TMC5: variants seen among roughly 807,000 people sequenced by gnomAD.
TMC5 encodes transmembrane channel-like protein 5.
TMC5 carries 86 observed loss-of-function variants against 110.5 expected under a neutral mutation model. That is an observed-to-expected ratio of 0.78 (90% confidence interval 0.65 to 0.93). TMC5 has a LOEUF of 0.93. TMC5 is among the 40% of genes least tolerant of loss of function. The pLI, the probability that TMC5 is intolerant of heterozygous loss-of-function variation, is 0.00. For synonymous variants in TMC5, 455 were observed against 439.5 expected (o/e 1.04, Z -0.44); for missense variants, 1,144 against 1,222.8 (o/e 0.94, Z 0.96).
At chr16:19,492,117 A>C in intron 18 of TMC5, 33 bp from the exon 19 acceptor site, 1 of 1,544,252 alleles carries the variant, frequency 6.5e-7, no homozygotes, top group Non-Finnish European at 8.9e-7. Flanking sequence ...AAACATTTGC[A>C]AGAGTGTCAT....
At chr16:19,444,758 T>A (rs1371070353) in intron 4 of TMC5, among the ~76,000 whole-genome samples, 1 of 152,178 alleles carries the variant, frequency 6.6e-6, no homozygotes, top group East Asian at 1.9e-4. Context: ...CAGAACCTAC[T>A]GGGGGAAAAG....
intron 20 of TMC5, among the ~76,000 whole-genome samples, chr16:19,496,705 T>G (rs540479150): frequency 6.6e-6 from 1 of 151,624 alleles, no homozygotes; most frequent in Admixed American, 6.6e-5. Context: ...ACCAACATGG[T>G]GAAACCCTGT....
At chr16:19,457,156 A>G (rs1213127778) in intron 5 of TMC5, 5 of 698,042 alleles carry the variant, frequency 7.2e-6, no homozygotes, top group African/African-American at 1.8e-5. Context: ...TTGGGAGGCC[A>G]AGATAAGAGG....
Position 19,479,436 on chromosome 16 carries a change from G to A in TMC5, c.2175G>A (p.Trp725Ter). Residue 725 changes from tryptophan to a stop codon, truncating the protein, a stop_gained, in exon 14 of 22, where the codon TGG becomes TGA. Transcript: ENST00000542583. LOFTEE classifies it high-confidence loss of function. Reference sequence around the variant, plus strand: ...GACTCTTGTTTGCCTTCCAGTGTTGGGAAACCCTCATTGGCCAGGACATCT... The same window carrying A: ...GACTCTTGTTTGCCTTCCAGTGTTGAGAAACCCTCATTGGCCAGGACATCT... ...NTVALSGEEC[W>*]ETLIGQDIYR... is the part of the protein sequence containing the mutation. 3.7e-6 allele frequency: 6 copies of A among 1,613,748 alleles called. No individual in the cohort carries two copies. The highest frequency in any genetic ancestry group is 5.1e-6 in the Non-Finnish European group (6 of 1,179,696).
chr16:19,480,676 G>A (rs537716840), intron 14 of TMC5, among the ~76,000 whole-genome samples: 2 of 152,096 alleles, frequency 1.3e-5, no homozygotes, highest in South Asian at 4.2e-4. Context: ...ATGGTGGTGT[G>A]TGCCTATAAT....
chr16:19,440,480 G>A lies in TMC5; in HGVS notation c.442G>A (p.Gly148Ser). The A allele has an allele frequency of 6.2e-7, 1 of 1,614,122 alleles. No individual in the cohort carries two copies. The highest frequency in any genetic ancestry group is 1.1e-5 in the South Asian group (1 of 91,066). Residue 148 changes from glycine (G) to serine (S), a missense_variant, in exon 3 of 22, where the codon GGC becomes AGC. By Grantham distance (56) the Gly-to-Ser change is moderately conservative. Coordinates refer to ENST00000542583, the MANE Select transcript of TMC5 (RefSeq NM_001261841.2). The stretch of plus-strand genomic sequence containing the variant: ...CTCCAGCAGCAGTGGAAACTATGCA[G>A]GCTCCAGAACACATCCAGATCATTT... ...AGSSSSGNYA[G>S]SRTHPDHFGS...
chr16:19,439,853 T>C, intron 2 of TMC5, 107 bp from the exon 3 acceptor site: 1 of 591,212 alleles, frequency 1.7e-6, no homozygotes, highest in Admixed American at 3.0e-5. Flanking sequence ...GGCAGTTGTG[T>C]ACCTGACTAC....
rs145413285 is a variant in TMC5 at position 19,469,807 on chromosome 16, T to C, written c.1764T>C (p.Asn588=). 1.6e-4 allele frequency: 255 copies of C among 1,614,090 alleles called. 1 individual carries two copies. The highest frequency in any genetic ancestry group is 1.1e-3 in the African/African-American group (81 of 75,048). Residue 588 remains asparagine (N), a synonymous_variant, in exon 10 of 22, where the codon AAT becomes AAC. Transcript: ENST00000542583. ...HEKAVKLKQK[N]LSTEIRENLS... Reference sequence around the variant, plus strand: ...AAGCTGTGAAGCTAAAACAGAAGAATCTTAGCACTGAGATAAGGGTAAGGC... The same window carrying C: ...AAGCTGTGAAGCTAAAACAGAAGAACCTTAGCACTGAGATAAGGGTAAGGC...
rs1308445615 is a variant in TMC5 at position 19,472,442 on chromosome 16, A to C, written c.1938+199A>C. Reference sequence around the variant, plus strand: ...TCCCAACACTCTGGGAGGCCGAGGCAGGAGGATCACCTGAAACCCAGGAGT... The same window carrying C: ...TCCCAACACTCTGGGAGGCCGAGGCCGGAGGATCACCTGAAACCCAGGAGT... On this transcript the variant is annotated intron_variant, in intron 11 of 21. Transcript: ENST00000542583. Among the ~76,000 whole-genome samples the C allele has an allele frequency of 2.0e-5, 3 of 152,140 alleles. No homozygotes were observed. The East Asian group carries it at 5.8e-4, about 29-fold the overall frequency.
chr16:19,490,245 G>T (rs552544634), intron 17 of TMC5, 150 bp from the exon 18 acceptor site: 41 of 770,810 alleles, frequency 5.3e-5, no homozygotes, highest in South Asian at 1.0e-4. Context: ...GCAAGGCTGA[G>T]AGCAAGAGGG....
chr16:19,450,909 G>A (rs1214381226), intron 5 of TMC5, among the ~76,000 whole-genome samples: 1 of 152,170 alleles, frequency 6.6e-6, no homozygotes, highest in Non-Finnish European at 1.5e-5. Flanking sequence ...AATCAGTTAG[G>A]AAGCTCTCTA....
intron 1 of TMC5, among the ~76,000 whole-genome samples, chr16:19,418,727 G>GTTTTTTTTTT (rs57232416): frequency 1.7e-5 from 2 of 119,116 alleles, no homozygotes; most frequent in Non-Finnish European, 1.8e-5. Flanking sequence ...TGATTTTTGT[G>GTTTTTTTTTT]TTTTTTTTTT....
chr16:19,434,463 T>TATAG (rs370245128), intron 2 of TMC5, among the ~76,000 whole-genome samples: 1,217 of 63,932 alleles, frequency 0.019, 22 homozygotes, highest in Non-Finnish European at 0.021. Flanking sequence ...TATCTATATC[T>TATAG]ATAGATAGAT....
chr16:19,434,499 G>GATAGATAGATAGATAT (rs747139925), intron 2 of TMC5, among the ~76,000 whole-genome samples: 4 of 127,098 alleles, frequency 3.1e-5, no homozygotes, highest in Admixed American at 8.7e-5. Flanking sequence ...TAGATATAGA[G>GATAGATAGATAGATAT]AGAGAGAGAG....
chr16:19,474,067 A>C, intron 11 of TMC5, 58 bp from the exon 12 acceptor site: 1 of 1,519,874 alleles, frequency 6.6e-7, no homozygotes, highest in African/African-American at 1.4e-5. Flanking sequence ...TTTTGAGTGA[A>C]GCAGAAAGGG....
intron 17 of TMC5, chr16:19,487,712 TAAATAAATAAATAAATAAATAA>T (rs375578796): frequency 0.14 from 19,458 of 141,710 alleles, 1,712 homozygotes; most frequent in African/African-American, 0.26. Context: ...AATAAATAAA[TAAATAAATAAATAAATAAATAA>T]ATAAATAAAT....
chr16:19,411,937 G>A (rs1432120149), intron 1 of TMC5, among the ~76,000 whole-genome samples: 1 of 152,218 alleles, frequency 6.6e-6, no homozygotes, highest in African/African-American at 2.4e-5. Flanking sequence ...AGAGGAGTCT[G>A]TGTGATCTTG....
At chr16:19,489,233 G>A (rs1293143292) in intron 17 of TMC5, among the ~76,000 whole-genome samples, 4 of 152,190 alleles carry the variant, frequency 2.6e-5, no homozygotes, top group African/African-American at 9.7e-5. Context: ...ATGCAGGGGC[G>A]CAATCACAGC....
chr16:19,492,132 T>C lies in TMC5; in HGVS notation c.2748-18T>C. 1.3e-6 allele frequency: 2 copies of C among 1,594,336 alleles called. No individual in the cohort carries two copies. Among genetic ancestry groups the C allele is most frequent in the Non-Finnish European group, 1.7e-6 (2 of 1,163,342 alleles). On this transcript the variant is annotated intron_variant, in intron 18 of 21. Coordinates refer to ENST00000542583, the MANE Select transcript of TMC5 (RefSeq NM_001261841.2). ...AAACATTTGCAAGAGTGTCATTCTTTCTTTTCTCCTCTTCCAGAATCATCA... is the reference window on the plus strand; with the variant it reads ...AAACATTTGCAAGAGTGTCATTCTTCCTTTTCTCCTCTTCCAGAATCATCA...
Sources: allele counts gnomAD v4.1 joint callset (sites outside exome capture counted in the v4.1 genomes callset), GRCh38; gene constraint gnomAD v4.1.1; transcripts MANE v1.5; gene names NCBI Gene and HGNC (gene_info 2026-07-23, HGNC 2026-07-21).